Variants in UBE2R2 observed in about 807,000 individuals in gnomAD.
UBE2R2 encodes the protein ubiquitin conjugating enzyme E2 R2, also known as ubiquitin-conjugating enzyme E2 R2.
UBE2R2 carries 1 observed loss-of-function variant against 27.8 expected under a neutral mutation model. The observed-to-expected ratio is 0.04, with a 90% confidence interval of 0.01 to 0.17. The LOEUF (loss-of-function observed/expected upper bound fraction) is 0.17. Among genes scored for constraint, UBE2R2 ranks in the 10% least tolerant of loss-of-function variants. The pLI, the probability that UBE2R2 is intolerant of heterozygous loss-of-function variation, is 1.00. For missense variants in UBE2R2, 100 were observed against 291.0 expected, an observed-to-expected ratio of 0.34 and a Z score of 4.78; for synonymous variants, 106 against 113.3, an observed-to-expected ratio of 0.94 and a Z score of 0.41.
intron 1 of UBE2R2, among the ~76,000 whole-genome samples, chr9:33,823,438 C>T (rs890974794): frequency 1.3e-5 from 2 of 151,270 alleles, no homozygotes; most frequent in African/African-American, 4.9e-5. Flanking sequence ...TGCAGTGGCG[C>T]GATCTTGGCT....
intron 3 of UBE2R2, among the ~76,000 whole-genome samples, chr9:33,902,414 A>G (rs1822263833): frequency 6.6e-6 from 1 of 152,220 alleles, no homozygotes. Flanking sequence ...ATTTAAGTGA[A>G]TAATGCATGT....
intron 1 of UBE2R2, among the ~76,000 whole-genome samples, chr9:33,856,888 C>CTTTTT (rs140169417): frequency 1.2e-5 from 1 of 82,324 alleles, no homozygotes; most frequent in African/African-American, 4.5e-5. Flanking sequence ...CTTCCTTTCA[C>CTTTTT]TTTTTTTTTT....
chr9:33,827,507 G>A (rs1485610986), intron 1 of UBE2R2, among the ~76,000 whole-genome samples: 1 of 152,096 alleles, frequency 6.6e-6, no homozygotes, highest in Admixed American at 6.6e-5. Context: ...CTGGTGTGGT[G>A]GCGCACGCCT....
At position 33,886,901 on chromosome 9, in the gene UBE2R2, T is replaced by C; in HGVS notation, c.198T>C (p.Ile66=). 1.3e-6 allele frequency: 2 copies of C among 1,593,784 alleles called. No homozygotes were observed. Among genetic ancestry groups the C allele is most frequent in the Non-Finnish European group, 1.7e-6 (2 of 1,175,532 alleles). Residue 66 remains isoleucine (I), a synonymous_variant, in exon 2 of 5, where the codon ATT becomes ATC. Coordinates refer to ENST00000263228, the MANE Select transcript of UBE2R2 (RefSeq NM_017811.4). ...GYFKAHIKFP[I]DYPYSPPTFR... is the part of the protein sequence containing the mutation. ...TTCAGGCGCATATTAAATTTCCTAT[T>C]GACTACCCCTATTCACCACCTACCT...
intron 1 of UBE2R2, among the ~76,000 whole-genome samples, chr9:33,855,706 A>G (rs1285872754): frequency 6.6e-6 from 1 of 152,174 alleles, no homozygotes; most frequent in Non-Finnish European, 1.5e-5. Context: ...ATTATAATCT[A>G]CCAGCCAGGA....
At chr9:33,905,237 G>A (rs1044575652) in intron 3 of UBE2R2, among the ~76,000 whole-genome samples, 10 of 152,096 alleles carry the variant, frequency 6.6e-5, no homozygotes, top group African/African-American at 2.4e-4. Flanking sequence ...AAGAGAGGCT[G>A]TTGTTTGGTA....
chr9:33,868,776 A>G (rs989272997), intron 1 of UBE2R2: 1 of 151,906 alleles, frequency 6.6e-6, no homozygotes, highest in African/African-American at 2.4e-5. Context: ...TAGCAGAAAA[A>G]CTCAGCAGTG....
chr9:33,877,882 A>T (rs1252214332), intron 1 of UBE2R2, among the ~76,000 whole-genome samples: 1 of 126,410 alleles, frequency 7.9e-6, no homozygotes, highest in Non-Finnish European at 1.7e-5. Context: ...CAGCCTCCTG[A>T]ATAGCTGGCA....
chr9:33,856,886 CACT>C (rs1821116555), intron 1 of UBE2R2, among the ~76,000 whole-genome samples: 5 of 117,536 alleles, frequency 4.3e-5, no homozygotes, highest in Non-Finnish European at 7.2e-5. Context: ...TCCTTCCTTT[CACT>C]TTTTTTTTTT....
rs1249826816 is a variant in UBE2R2 at position 33,919,376 on chromosome 9, AT to A, written c.*2141del. 3.3e-5 allele frequency: 5 copies of A among 151,666 alleles called. No homozygotes were observed. Among genetic ancestry groups the A allele is most frequent in the Admixed American group, 3.3e-4 (5 of 15,228 alleles). 9.4% of individuals were successfully genotyped at this position (151,666 alleles called of 1,614,324 possible). ...TTGGAGCCCTAAAATTAAGCCTTTC[AT>A]TCCCCTTTGCTAAAGCATCTCACTC... On this transcript the variant is annotated 3_prime_UTR_variant, in exon 5 of 5. Coordinates refer to ENST00000263228, the MANE Select transcript of UBE2R2 (RefSeq NM_017811.4).
At chr9:33,898,810 A>G (rs1822181868) in intron 2 of UBE2R2, among the ~76,000 whole-genome samples, 1 of 152,252 alleles carries the variant, frequency 6.6e-6, no homozygotes, top group South Asian at 2.1e-4. Context: ...CTTACCTTCC[A>G]TGTTAGGCTA....
At chr9:33,824,249 T>C (rs1475486167) in intron 1 of UBE2R2, among the ~76,000 whole-genome samples, 3 of 152,104 alleles carry the variant, frequency 2.0e-5, no homozygotes, top group African/African-American at 7.2e-5. Flanking sequence ...CCCAGGACTT[T>C]GGGAGGCCGA....
rs561964750 is a variant in UBE2R2 at position 33,862,780 on chromosome 9, T to G, written c.178-24101T>G. 3.3e-5 allele frequency among the ~76,000 whole-genome samples: 5 copies of G among 152,356 alleles called. No individual in the cohort carries two copies. In the East Asian group the frequency reaches 7.7e-4, roughly 23 times the overall value. On this transcript the variant is annotated intron_variant, in intron 1 of 4. Coordinates refer to ENST00000263228, the MANE Select transcript of UBE2R2 (RefSeq NM_017811.4). ...ACGCTTTGAAAAAAATTTTAAACATTTCCCCCATTTTGTGGTTTTGCCTTT... is the reference window on the plus strand; with the variant it reads ...ACGCTTTGAAAAAAATTTTAAACATGTCCCCCATTTTGTGGTTTTGCCTTT...
At chr9:33,899,594 C>T (rs566076248) in intron 2 of UBE2R2, among the ~76,000 whole-genome samples, 5 of 152,234 alleles carry the variant, frequency 3.3e-5, no homozygotes, top group African/African-American at 9.6e-5. Flanking sequence ...AGGCTGGTCT[C>T]GAACTCCTGA....
At position 33,884,407 on chromosome 9, in the gene UBE2R2, C is replaced by T. The variant is rs573767309; in HGVS notation, c.178-2474C>T. Among the ~76,000 whole-genome samples, 10 of 151,384 alleles carry T rather than the reference C, an allele frequency of 6.6e-5. No homozygotes were observed. The South Asian group carries it at 2.1e-3, about 32-fold the overall frequency. ...CAAGTGATCCTCCCACCTCAGCCTC[C>T]TATGTAGCTGGGACCACAGACACCA... On this transcript the variant is annotated intron_variant, in intron 1 of 4. Coordinates refer to ENST00000263228, the MANE Select transcript of UBE2R2 (RefSeq NM_017811.4).
intron 1 of UBE2R2, among the ~76,000 whole-genome samples, chr9:33,837,825 C>G (rs532007392): frequency 6.6e-6 from 1 of 151,910 alleles, no homozygotes; most frequent in Non-Finnish European, 1.5e-5. Context: ...CAGGTGTGAT[C>G]CACTGGGCTT....
intron 1 of UBE2R2, among the ~76,000 whole-genome samples, chr9:33,884,476 G>A (rs898007775): frequency 3.3e-5 from 5 of 151,480 alleles, no homozygotes; most frequent in East Asian, 1.9e-4. Flanking sequence ...GTAGGGTCTC[G>A]CTACCTTGCC....
rs7858687 is a variant in UBE2R2 at position 33,874,674 on chromosome 9, T to A, written c.178-12207T>A. Among the ~76,000 whole-genome samples the A allele has an allele frequency of 3.3e-5, 5 of 151,656 alleles. No homozygotes were observed. In the East Asian group the frequency reaches 7.7e-4, roughly 23 times the overall value. ...GTGAAAATTTCAGAATAGTTTTTTGTTTGTTTGTTTGTTTTGAGACAGGGT... is the reference window on the plus strand; with the variant it reads ...GTGAAAATTTCAGAATAGTTTTTTGATTGTTTGTTTGTTTTGAGACAGGGT... On this transcript the variant is annotated intron_variant, in intron 1 of 4. Transcript: ENST00000263228.
intron 1 of UBE2R2, among the ~76,000 whole-genome samples, chr9:33,862,078 C>T (rs184372927): frequency 1.0e-3 from 153 of 151,960 alleles, no homozygotes; most frequent in Non-Finnish European, 5.4e-4. Context: ...TGATCTCGAA[C>T]GCCTGACCTC....
Sources: gnomAD v4.1 joint callset for allele counts (sites outside exome capture counted in the v4.1 genomes callset) on GRCh38, gnomAD v4.1.1 for gene constraint, MANE v1.5 for transcripts, NCBI Gene and HGNC (gene_info 2026-07-23, HGNC 2026-07-21) for gene names.